The following ZNF385B variants were observed in gnomAD, a reference collection of about 807,000 sequenced individuals.
ZNF385B encodes zinc finger protein 533.
ZNF385B carries 23 observed loss-of-function variants against 39.2 expected under a neutral mutation model. The observed-to-expected ratio is 0.59, with a 90% confidence interval of 0.42 to 0.83. The LOEUF (loss-of-function observed/expected upper bound fraction) is 0.83, where lower values mean the gene tolerates loss of function less well. Among genes scored for constraint, ZNF385B ranks in the 40% least tolerant of loss-of-function variants. ZNF385B has a pLI of 0.00. For synonymous variants in ZNF385B, 205 were observed against 222.6 expected, an observed-to-expected ratio of 0.92 and a Z score of 0.70; for missense variants, 552 against 598.9, an observed-to-expected ratio of 0.92 and a Z score of 0.82.
At chr2:179,571,326 A>C (rs944041323) in intron 3 of ZNF385B, among the ~76,000 whole-genome samples, 1 of 152,220 alleles carries the variant, frequency 6.6e-6, no homozygotes, top group African/African-American at 2.4e-5. Flanking sequence ...AAATAATGAC[A>C]GTGATTATGA....
chr2:179,672,038 C>T lies in ZNF385B; in HGVS notation c.298+97465G>A, dbSNP rs116086524. 7.9e-3 allele frequency among the ~76,000 whole-genome samples: 1,205 copies of T among 152,332 alleles called. 18 individuals are homozygous for T. Among genetic ancestry groups the T allele is most frequent in the African/African-American group, 0.027 (1,112 of 41,564 alleles). ...AAACTCTTGAGAGCTGTGACATGGG[C>T]TATGCCCTACAAAGCAGTGTGGACA... On this transcript the variant is annotated intron_variant, in intron 3 of 9. Transcript: ENST00000410066.
intron 3 of ZNF385B, among the ~76,000 whole-genome samples, chr2:179,629,976 A>G (rs1309440845): frequency 6.6e-6 from 1 of 152,226 alleles, no homozygotes; most frequent in African/African-American, 2.4e-5. Flanking sequence ...GGTGTCTGCC[A>G]TTGCTGAGGC....
intron 3 of ZNF385B, among the ~76,000 whole-genome samples, chr2:179,744,015 A>C (rs1702231216): frequency 6.6e-6 from 1 of 152,150 alleles, no homozygotes; most frequent in South Asian, 2.1e-4. Context: ...TCTAGGATGC[A>C]TTACCAGGCA....
chr2:179,493,472 T>C (rs1038256825), intron 5 of ZNF385B, among the ~76,000 whole-genome samples: 4 of 127,990 alleles, frequency 3.1e-5, no homozygotes, highest in South Asian at 2.7e-4. Context: ...CATATATGCA[T>C]GTGTACACAT....
At position 179,696,326 on chromosome 2, in the gene ZNF385B, C is replaced by CTTTTTTTTTT. The variant is rs71029828; in HGVS notation, c.298+73167_298+73176dup. On this transcript the variant is annotated intron_variant, in intron 3 of 9. Coordinates refer to ENST00000410066, the MANE Select transcript of ZNF385B (RefSeq NM_152520.6). ...CTGGGACACTAGGTACAAACTGGGA[C>CTTTTTTTTTT]TTTTTTTTTTTTTTTTTTTTTTTGC... Among the ~76,000 whole-genome samples, 300 of 40,344 alleles carry CTTTTTTTTTT rather than the reference C, an allele frequency of 7.4e-3. 111 individuals are homozygous for CTTTTTTTTTT. Among genetic ancestry groups the CTTTTTTTTTT allele is most frequent in the African/African-American group, 0.015 (147 of 9,590 alleles). 26.5% of individuals were successfully genotyped at this position (40,344 alleles called of 152,430 possible).
chr2:179,695,575 A>C (rs1027473998), intron 3 of ZNF385B, among the ~76,000 whole-genome samples: 1 of 152,216 alleles, frequency 6.6e-6, no homozygotes, highest in Non-Finnish European at 1.5e-5. Context: ...GATATATAAA[A>C]GGCCAAAAAG....
chr2:179,811,316 C>A lies in ZNF385B; in HGVS notation c.-154-40644G>T, dbSNP rs74482893. On this transcript the variant is annotated intron_variant, in intron 1 of 9. Transcript: ENST00000410066. ...AACTAAAAAGAACTATTATTAAATT[C>A]ATATAGAACCAAAAAAGAGCCCAAA... Among the ~76,000 whole-genome samples, 659 of 152,172 alleles carry A rather than the reference C, an allele frequency of 4.3e-3. 18 individuals carry two copies. The South Asian group carries it at 0.082, about 19-fold the overall frequency.
intron 3 of ZNF385B, among the ~76,000 whole-genome samples, chr2:179,720,380 G>A (rs1031002360): frequency 7.3e-6 from 1 of 137,864 alleles, no homozygotes; most frequent in African/African-American, 2.7e-5. Flanking sequence ...AAAAGGAGTA[G>A]AGGAAAAGAG....
At chr2:179,509,103 C>G (rs372122394) in intron 5 of ZNF385B, among the ~76,000 whole-genome samples, 1 of 151,986 alleles carries the variant, frequency 6.6e-6, no homozygotes, top group Non-Finnish European at 1.5e-5. Context: ...CCCACCACTA[C>G]GCCAGATTAA....
intron 3 of ZNF385B, among the ~76,000 whole-genome samples, chr2:179,560,926 G>GC: frequency 6.6e-6 from 1 of 152,320 alleles, no homozygotes; most frequent in South Asian, 2.1e-4. Context: ...CATGTCAATT[G>GC]CAACAAGTGA....
At chr2:179,812,428 G>A (rs768115206) in intron 1 of ZNF385B, among the ~76,000 whole-genome samples, 9 of 152,052 alleles carry the variant, frequency 5.9e-5, no homozygotes, top group Non-Finnish European at 7.4e-5. Context: ...AAAGAAACGC[G>A]GTACACATAC....
chr2:179,702,212 T>C (rs570687489), intron 3 of ZNF385B, among the ~76,000 whole-genome samples: 1 of 152,350 alleles, frequency 6.6e-6, no homozygotes, highest in Admixed American at 6.5e-5. Context: ...ATGATTTTCA[T>C]CTTGTATTTC....
chr2:179,615,960 A>C (rs1168031812), intron 3 of ZNF385B, among the ~76,000 whole-genome samples: 4 of 152,224 alleles, frequency 2.6e-5, no homozygotes, highest in Non-Finnish European at 1.5e-5. Flanking sequence ...TCATTTTATA[A>C]TCAGAAAACA....
intron 3 of ZNF385B, among the ~76,000 whole-genome samples, chr2:179,662,873 G>GT (rs141542418): frequency 0.13 from 19,135 of 151,344 alleles, 1,842 homozygotes; most frequent in African/African-American, 0.27. Flanking sequence ...TTCAATTTTT[G>GT]TTTTTTATTA....
chr2:179,680,305 A>G lies in ZNF385B; in HGVS notation c.298+89198T>C, dbSNP rs183990945. Among the ~76,000 whole-genome samples, 310 of 152,318 alleles carry G rather than the reference A, an allele frequency of 2.0e-3. 2 individuals are homozygous for G. The highest frequency in any genetic ancestry group is 7.2e-3 in the African/African-American group (301 of 41,582). Reference sequence around the variant, plus strand: ...TCTGAACAGATTATAGTATATTTGAAATATGAAATACTGTTTAGTAATAAA... The same window carrying G: ...TCTGAACAGATTATAGTATATTTGAGATATGAAATACTGTTTAGTAATAAA... On this transcript the variant is annotated intron_variant, in intron 3 of 9. Coordinates refer to ENST00000410066, the MANE Select transcript of ZNF385B (RefSeq NM_152520.6).
rs1230319009 is a variant in ZNF385B, at chr2:179,752,527, T to G, written c.298+16976A>C. 2.0e-5 allele frequency among the ~76,000 whole-genome samples: 3 copies of G among 152,314 alleles called. No homozygotes were observed. In the East Asian group the frequency reaches 5.8e-4, roughly 29 times the overall value. ...ATTGCCACACTATCTTCCACAATGG[T>G]TGAACTAGTTTACAGTCCCACCAAC... On this transcript the variant is annotated intron_variant, in intron 3 of 9. Coordinates refer to ENST00000410066, the MANE Select transcript of ZNF385B (RefSeq NM_152520.6).
intron 6 of ZNF385B, among the ~76,000 whole-genome samples, chr2:179,454,406 G>T (rs981504106): frequency 6.6e-6 from 1 of 152,070 alleles, no homozygotes; most frequent in Non-Finnish European, 1.5e-5. Context: ...ATTATGTAAG[G>T]TATATAATAC....
chr2:179,823,947 T>C (rs1268720208), intron 1 of ZNF385B, among the ~76,000 whole-genome samples: 2 of 152,146 alleles, frequency 1.3e-5, no homozygotes. Flanking sequence ...TACAGGTATT[T>C]ACTAGTTGGT....
At chr2:179,607,908 CTTTTTT>C (rs71029822) in intron 3 of ZNF385B, among the ~76,000 whole-genome samples, 31 of 97,454 alleles carry the variant, frequency 3.2e-4, no homozygotes, top group Admixed American at 6.8e-4. Context: ...CTCAGAAACT[CTTTTTT>C]TTTTTTTTTT....
Sources: allele counts gnomAD v4.1 joint callset (sites outside exome capture counted in the v4.1 genomes callset), GRCh38; gene constraint gnomAD v4.1.1; transcripts MANE v1.5; gene names NCBI Gene and HGNC (gene_info 2026-07-23, HGNC 2026-07-21).